OAT: variants seen among roughly 807,000 people sequenced by gnomAD.
The protein encoded by OAT is ornithine aminotransferase, mitochondrial.
OAT carries 35 observed loss-of-function variants against 48.4 expected under a neutral mutation model. That is an observed-to-expected ratio of 0.72 (90% CI 0.55 to 0.96). The LOEUF (loss-of-function observed/expected upper bound fraction) is 0.96. OAT is among the 40% of genes least tolerant of loss of function. The pLI is 0.00. For synonymous variants in OAT, 182 were observed against 198.4 expected (o/e 0.92, Z 0.70); for missense variants, 438 against 537.9 (o/e 0.81, Z 1.84).
intron 4 of OAT, chr10:124,405,921 G>A: frequency 2.6e-6 from 3 of 1,158,308 alleles, no homozygotes; most frequent in African/African-American, 3.2e-5. Flanking sequence ...TCTAGAGAAG[G>A]TGCATTTATG....
intron 1 of OAT, chr10:124,414,128 A>T (rs1008049506): frequency 2.6e-5 from 4 of 152,324 alleles, no homozygotes; most frequent in African/African-American, 9.6e-5. Context: ...TTTCTAAAAG[A>T]CTAGTTAATT....
chr10:124,418,232 T>C (rs908975292), intron 1 of OAT: 2 of 152,408 alleles, frequency 1.3e-5, no homozygotes, highest in African/African-American at 4.8e-5. Flanking sequence ...AAAAAAATCA[T>C]AGGCTGGAAG....
rs116919847 is a variant in OAT at position 124,408,489 on chromosome 10, G to A, written c.520+53C>T. ...GCATGAGCCACCATGCCTGGCCACA[G>A]TAAATTATATTGTATGTTTCAATCA... On this transcript the variant is annotated intron_variant, in intron 4 of 9. Transcript: ENST00000368845. The A allele has an allele frequency of 1.4e-3, 2,081 of 1,500,584 alleles. 33 individuals are homozygous for A. In the East Asian group the frequency reaches 0.04, roughly 29 times the overall value. The allele number at this position is 1,500,584 out of a possible 1,614,324, so 93.0% of individuals were successfully genotyped here.
chr10:124,417,576 C>G (rs1020794404), intron 1 of OAT, among the ~76,000 whole-genome samples: 3 of 152,070 alleles, frequency 2.0e-5, no homozygotes, highest in Admixed American at 6.6e-5. Context: ...TGTGAGCCAC[C>G]GTGCCGGGCT....
chr10:124,415,574 T>C (rs1472826900), intron 1 of OAT, among the ~76,000 whole-genome samples: 1 of 152,214 alleles, frequency 6.6e-6, no homozygotes, highest in Non-Finnish European at 1.5e-5. Flanking sequence ...CTTGGCACTG[T>C]ATGAGAAATC....
At chr10:124,404,042 T>C in intron 5 of OAT, 122 bp from the exon 6 acceptor site, 1 of 1,162,406 alleles carries the variant, frequency 8.6e-7, no homozygotes, top group Non-Finnish European at 1.2e-6. Flanking sequence ...CTAACGTAAA[T>C]TCTGACTTCA....
At chr10:124,414,291 C>T (rs1292758957) in intron 1 of OAT, 1 of 152,176 alleles carries the variant, frequency 6.6e-6, no homozygotes, top group African/African-American at 2.4e-5. Context: ...CCAGTATGTT[C>T]AGGAATTTGC....
At chr10:124,398,702 C>T (rs1416906229) in intron 9 of OAT, among the ~76,000 whole-genome samples, 1 of 149,778 alleles carries the variant, frequency 6.7e-6, no homozygotes, top group East Asian at 2.0e-4. Context: ...GTATTAATCA[C>T]ACAAGGAACT....
At chr10:124,408,341 ATATT>A (rs1197649478) in intron 4 of OAT, among the ~76,000 whole-genome samples, 197 bp downstream of exon 4, 1,031 of 99,276 alleles carry the variant, frequency 0.01, 12 homozygotes, top group East Asian at 0.066. Context: ...ATATATATAT[ATATT>A]TTTTTTTTTT....
chr10:124,408,317 G>GTGTA (rs1554866080), intron 4 of OAT, among the ~76,000 whole-genome samples: 5 of 83,216 alleles, frequency 6.0e-5, no homozygotes, highest in Middle Eastern at 8.3e-3. Context: ...GTGTGTGTGT[G>GTGTA]TATATATATA....
chr10:124,404,702 AG>A, intron 5 of OAT, among the ~76,000 whole-genome samples: 1 of 152,232 alleles, frequency 6.6e-6, no homozygotes, highest in African/African-American at 2.4e-5. Context: ...CTGGGATTAC[AG>A]GCATGTACCA....
At position 124,404,588 on chromosome 10, in the gene OAT, T is replaced by G. The variant is rs566761400; in HGVS notation, c.649-668A>C. Among the ~76,000 whole-genome samples the G allele has an allele frequency of 9.9e-5, 15 of 152,026 alleles. No individual in the cohort carries two copies. In the East Asian group the frequency reaches 2.9e-3, roughly 30 times the overall value. The stretch of plus-strand genomic sequence containing the variant: ...AGGCGTGAGTCACCGCGCCTGACCT[T>G]GATTTTTAAATTTTTTTGTAGAGAC... On this transcript the variant is annotated intron_variant, in intron 5 of 9. Coordinates refer to ENST00000368845, the MANE Select transcript of OAT (RefSeq NM_000274.4).
At chr10:124,409,701 A>G (rs76532545) in intron 2 of OAT, among the ~76,000 whole-genome samples, 20,542 of 152,244 alleles carry the variant, frequency 0.13, 1,508 homozygotes, top group Middle Eastern at 0.19. Context: ...TCTAATATCC[A>G]GAATTCTTAC....
chr10:124,417,097 A>G (rs1415466168), intron 1 of OAT, among the ~76,000 whole-genome samples: 1 of 152,136 alleles, frequency 6.6e-6, no homozygotes, highest in Non-Finnish European at 1.5e-5. Context: ...AAGGGCATAA[A>G]ATATGCACAC....
intron 4 of OAT, among the ~76,000 whole-genome samples, 194 bp downstream of exon 4, chr10:124,408,335 ATATATATATTTTT>A (rs1487910848): frequency 9.0e-4 from 92 of 102,760 alleles, no homozygotes; most frequent in Admixed American, 3.7e-3. Flanking sequence ...ATATATATAT[ATATATATATTTTT>A]TTTTTTTTTT....
chr10:124,403,265 ATC>A lies in OAT; in HGVS notation c.772-212_772-211del, dbSNP rs1164416893. ...CAACTATTTCCTTTGTCAGGCCACT[ATC>A]TCCCTAGAGGCCCATTCTGCCCTGC... On this transcript the variant is annotated intron_variant, in intron 6 of 9. Transcript: ENST00000368845. 4.2e-5 allele frequency: 26 copies of A among 623,598 alleles called. No homozygotes were observed. The East Asian group carries it at 7.3e-4, about 18-fold the overall frequency. 38.6% of individuals were successfully genotyped at this position (623,598 alleles called of 1,614,324 possible).
intron 2 of OAT, among the ~76,000 whole-genome samples, chr10:124,409,773 T>C (rs1951697970): frequency 1.3e-5 from 2 of 152,126 alleles, no homozygotes; most frequent in African/African-American, 4.8e-5. Context: ...TGAATAGCTA[T>C]TTCTTCAAAG....
In OAT at chr10:124,397,990, C is replaced by A. The variant is rs1170702129; in HGVS notation, c.1272G>T (p.Glu424Asp). ...TAATAATTTCAATGGACTCTCGAAGCTCATCCTCCTTGATCACCAGCGGAG... is the reference window on the plus strand; with the variant it reads ...TAATAATTTCAATGGACTCTCGAAGATCATCCTCCTTGATCACCAGCGGAG... The part of the protein sequence containing the change: ...FAPPLVIKED[E>D]LRESIEIINK... Residue 424 changes from glutamate to aspartate, a missense_variant, in exon 10 of 10, where the codon GAG becomes GAT. Coordinates refer to ENST00000368845, the MANE Select transcript of OAT (RefSeq NM_000274.4). The A allele has an allele frequency of 6.2e-7, 1 of 1,613,962 alleles. No individual in the cohort carries two copies. The highest frequency in any genetic ancestry group is 1.7e-5 in the Admixed American group (1 of 60,018).
chr10:124,409,706 T>A (rs1951697085), intron 2 of OAT, among the ~76,000 whole-genome samples: 1 of 152,092 alleles, frequency 6.6e-6, no homozygotes, highest in Non-Finnish European at 1.5e-5. Context: ...TATCCAGAAT[T>A]CTTACAACTC....
Sources: gnomAD v4.1 joint callset for allele counts (sites outside exome capture counted in the v4.1 genomes callset) on GRCh38, gnomAD v4.1.1 for gene constraint, MANE v1.5 for transcripts, NCBI Gene and HGNC (gene_info 2026-07-23, HGNC 2026-07-21) for gene names.